Variants in PTPRG observed in about 807,000 individuals in gnomAD.
PTPRG encodes receptor-type tyrosine-protein phosphatase gamma.
PTPRG carries 102 observed loss-of-function variants against 165.3 expected under a neutral mutation model. That is an observed-to-expected ratio of 0.62 (90% CI 0.53 to 0.73). PTPRG has a LOEUF of 0.73. PTPRG is among the 30% of genes least tolerant of loss of function. The pLI, the probability that PTPRG is intolerant of heterozygous loss-of-function variation, is 0.00. For synonymous variants in PTPRG, 675 were observed against 669.5 expected (o/e 1.01, Z -0.13); for missense variants, 1,866 against 1,861.4 (o/e 1.00, Z -0.05).
Position 62,177,122 on chromosome 3 carries a change from C to CT in PTPRG, c.1033+8967dup, listed in dbSNP as rs1217808514. On this transcript the variant is annotated intron_variant, in intron 8 of 29. Coordinates refer to ENST00000474889, the MANE Select transcript of PTPRG (RefSeq NM_002841.4). Reference sequence around the variant, plus strand: ...ACCAAGAAAAGAAAAAAAAATTTATCTTTTTTTTAACATTAGCTGGGCTTG... The same window carrying CT: ...ACCAAGAAAAGAAAAAAAAATTTATCTTTTTTTTTAACATTAGCTGGGCTTG... 1.6e-3 allele frequency among the ~76,000 whole-genome samples: 249 copies of CT among 151,342 alleles called. 4 individuals carry two copies. Among genetic ancestry groups the CT allele is most frequent in the Admixed American group, 0.014 (208 of 15,206 alleles).
At chr3:61,966,572 T>C (rs1228191439) in intron 2 of PTPRG, among the ~76,000 whole-genome samples, 1 of 152,206 alleles carries the variant, frequency 6.6e-6, no homozygotes, top group Non-Finnish European at 1.5e-5. Context: ...TTCAATAACA[T>C]GCAAAACATG....
intron 2 of PTPRG, among the ~76,000 whole-genome samples, chr3:61,761,193 T>C (rs775900593): frequency 6.6e-6 from 1 of 152,224 alleles, no homozygotes; most frequent in African/African-American, 2.4e-5. Flanking sequence ...TCCACAATGA[T>C]TGAACTAATT....
At chr3:61,794,199 A>G (rs1408037357) in intron 2 of PTPRG, among the ~76,000 whole-genome samples, 2 of 152,182 alleles carry the variant, frequency 1.3e-5, no homozygotes, top group Non-Finnish European at 2.9e-5. Flanking sequence ...TTTACTTTAA[A>G]AAAAAATCAG....
chr3:61,652,452 G>A (rs1289290487), intron 1 of PTPRG, among the ~76,000 whole-genome samples: 1 of 152,146 alleles, frequency 6.6e-6, no homozygotes, highest in Non-Finnish European at 1.5e-5. Context: ...CCTCTACGGT[G>A]CAATCTATTT....
At chr3:62,031,135 G>A (rs1203819406) in intron 4 of PTPRG, among the ~76,000 whole-genome samples, 2 of 152,172 alleles carry the variant, frequency 1.3e-5, no homozygotes, top group African/African-American at 4.8e-5. Flanking sequence ...CAACAAATAG[G>A]TGTTTAGGAG....
At chr3:61,654,440 A>G (rs1369170983) in intron 1 of PTPRG, among the ~76,000 whole-genome samples, 1 of 152,046 alleles carries the variant, frequency 6.6e-6, no homozygotes, top group African/African-American at 2.4e-5. Flanking sequence ...GCCAGAGTGC[A>G]GTGGTGCAGT....
At chr3:62,065,608 G>A (rs146500057) in intron 4 of PTPRG, among the ~76,000 whole-genome samples, 32 of 152,242 alleles carry the variant, frequency 2.1e-4, no homozygotes, top group African/African-American at 5.8e-4. Flanking sequence ...AAAAAATCCC[G>A]GTGGAGCAAT....
At chr3:61,606,108 C>G (rs1389940482) in intron 1 of PTPRG, among the ~76,000 whole-genome samples, 1 of 152,226 alleles carries the variant, frequency 6.6e-6, no homozygotes, top group African/African-American at 2.4e-5. Context: ...TTCCATGGGT[C>G]ATGAGTCTGG....
intron 1 of PTPRG, among the ~76,000 whole-genome samples, chr3:61,633,956 C>T (rs1442530309): frequency 6.6e-6 from 1 of 151,814 alleles, no homozygotes; most frequent in East Asian, 1.9e-4. Flanking sequence ...AGTCTGTCAC[C>T]CAGGCTGGAG....
At chr3:62,170,006 T>C (rs1488082680) in intron 8 of PTPRG, among the ~76,000 whole-genome samples, 3 of 152,160 alleles carry the variant, frequency 2.0e-5, no homozygotes, top group African/African-American at 7.2e-5. Flanking sequence ...AGAGGGAGTT[T>C]AAGAATGTGA....
intron 1 of PTPRG, among the ~76,000 whole-genome samples, chr3:61,665,212 A>T (rs904247561): frequency 6.6e-6 from 1 of 152,176 alleles, no homozygotes; most frequent in Non-Finnish European, 1.5e-5. Context: ...GAGACCTAGA[A>T]GAGATAAGAA....
intron 1 of PTPRG, among the ~76,000 whole-genome samples, chr3:61,717,954 T>TG (rs2106777248): frequency 6.6e-6 from 1 of 151,830 alleles, no homozygotes; most frequent in South Asian, 2.1e-4. Flanking sequence ...CCAAGGTGGG[T>TG]GGATCACTTG....
chr3:61,937,313 G>C (rs569465497), intron 2 of PTPRG, among the ~76,000 whole-genome samples: 1 of 152,114 alleles, frequency 6.6e-6, no homozygotes, highest in African/African-American at 2.4e-5. Context: ...ATTTCATTTT[G>C]ACCCTGGTTT....
rs200044704 is a variant in PTPRG, at chr3:62,072,631, G to C, written c.520-5532G>C. On this transcript the variant is annotated intron_variant, in intron 4 of 29. Coordinates refer to ENST00000474889, the MANE Select transcript of PTPRG (RefSeq NM_002841.4). ...TATATGTGTATGTGTGTGTGTGTGTGTGTGTGTGTGTGTGTTTTATGTATA... is the reference window on the plus strand; with the variant it reads ...TATATGTGTATGTGTGTGTGTGTGTCTGTGTGTGTGTGTGTTTTATGTATA... Among the ~76,000 whole-genome samples the C allele has an allele frequency of 7.2e-4, 109 of 151,438 alleles. No individual in the cohort carries two copies. The Middle Eastern group carries it at 0.01, about 14-fold the overall frequency.
In PTPRG at chr3:62,029,651, C is replaced by A. The variant is rs1332416295; in HGVS notation, c.519+26154C>A. ...GACTACAACATGGGTGACCTTCAAA[C>A]CTCTTTTATTCCAGCCAGTCATTTC... On this transcript the variant is annotated intron_variant, in intron 4 of 29. Coordinates refer to ENST00000474889, the MANE Select transcript of PTPRG (RefSeq NM_002841.4). Among the ~76,000 whole-genome samples the A allele has an allele frequency of 2.6e-5, 4 of 152,308 alleles. No individual in the cohort carries two copies. The South Asian group carries it at 6.2e-4, about 24-fold the overall frequency.
In PTPRG at chr3:61,594,190, C is replaced by T. The variant is rs139120984; in HGVS notation, c.85+31818C>T. On this transcript the variant is annotated intron_variant, in intron 1 of 29. Transcript: ENST00000474889. The stretch of plus-strand genomic sequence containing the variant: ...TTGGAAGCCTGTCCTCTGCCCAGCA[C>T]GGACTAATCAGAATGCTGTGGGCCA... Among the ~76,000 whole-genome samples the T allele has an allele frequency of 6.6e-3, 1,002 of 152,206 alleles. 4 individuals carry two copies. Among genetic ancestry groups the T allele is most frequent in the Middle Eastern group, 0.014 (4 of 294 alleles).
chr3:61,776,887 A>G (rs971080225), intron 2 of PTPRG, among the ~76,000 whole-genome samples: 63 of 152,058 alleles, frequency 4.1e-4, no homozygotes, highest in African/African-American at 1.3e-3. Context: ...AATTTGAATT[A>G]ATTATTGCAC....
intron 2 of PTPRG, among the ~76,000 whole-genome samples, chr3:61,820,312 GAGA>G (rs2035913063): frequency 6.6e-6 from 1 of 152,104 alleles, no homozygotes; most frequent in South Asian, 2.1e-4. Flanking sequence ...CTCAGGCAGA[GAGA>G]AGATGTTTTC....
intron 2 of PTPRG, among the ~76,000 whole-genome samples, chr3:61,763,113 C>A (rs916039373): frequency 6.6e-6 from 1 of 152,134 alleles, no homozygotes; most frequent in Non-Finnish European, 1.5e-5. Flanking sequence ...ATGCTTAAAC[C>A]AATTATTGGC....
Sources: gnomAD v4.1 joint callset for allele counts (sites outside exome capture counted in the v4.1 genomes callset) on GRCh38, gnomAD v4.1.1 for gene constraint, MANE v1.5 for transcripts, NCBI Gene and HGNC (gene_info 2026-07-23, HGNC 2026-07-21) for gene names.